EFR3B: variants seen among roughly 807,000 people sequenced by gnomAD.
The protein encoded by EFR3B is EFR3 homolog B.
Under a neutral mutation model 104.7 loss-of-function variants are expected in EFR3B, and 64 were observed. That is an observed-to-expected ratio of 0.61 (90% confidence interval 0.50 to 0.75). The LOEUF is 0.75. Ranked by LOEUF, EFR3B falls within the 30% of genes least tolerant of loss-of-function variation. The pLI, the probability that EFR3B is intolerant of heterozygous loss-of-function variation, is 0.00. For synonymous variants in EFR3B, 385 were observed against 417.9 expected, an observed-to-expected ratio of 0.92 and a Z score of 0.96; for missense variants, 750 against 1,078.5, an observed-to-expected ratio of 0.70 and a Z score of 4.27.
At chr2:25,135,106 T>C (rs1056074011) in intron 12 of EFR3B, among the ~76,000 whole-genome samples, 2 of 152,222 alleles carry the variant, frequency 1.3e-5, no homozygotes, top group Non-Finnish European at 2.9e-5. Flanking sequence ...ATACTCTTAA[T>C]GAGGCATTGT....
At chr2:25,129,818 T>C (rs1553395583) in intron 6 of EFR3B, among the ~76,000 whole-genome samples, 157 bp from the exon 7 acceptor site, 3 of 152,184 alleles carry the variant, frequency 2.0e-5, no homozygotes, top group Non-Finnish European at 2.9e-5. Context: ...TACCCCCATT[T>C]AATTTCTGAC....
At chr2:25,066,325 G>A (rs1353024327) in intron 1 of EFR3B, among the ~76,000 whole-genome samples, 1 of 152,208 alleles carries the variant, frequency 6.6e-6, no homozygotes, top group Non-Finnish European at 1.5e-5. Flanking sequence ...GAAGGTGATA[G>A]TGGCTGTTAT....
chr2:25,047,542 A>C (rs1299378877), intron 1 of EFR3B, among the ~76,000 whole-genome samples: 1 of 152,050 alleles, frequency 6.6e-6, no homozygotes, highest in Non-Finnish European at 1.5e-5. Context: ...TCTGTTGCCC[A>C]GGCTGGAGTG....
Position 25,131,694 on chromosome 2 carries a change from ACAGAGGAGGAGGGTGC to A in EFR3B, c.986-52_986-37del. The A allele has an allele frequency of 6.7e-7, 1 of 1,483,856 alleles. No homozygotes were observed. Among genetic ancestry groups the A allele is most frequent in the South Asian group, 1.4e-5 (1 of 73,222 alleles). 91.9% of individuals were successfully genotyped at this position (1,483,856 alleles called of 1,614,324 possible). A position where few individuals can be genotyped will look rare whatever the true frequency, so the allele number is the denominator to read the frequency against. On this transcript the variant is annotated intron_variant, in intron 9 of 22. Coordinates refer to ENST00000403714, the MANE Select transcript of EFR3B (RefSeq NM_014971.2). The surrounding 1 kb of genome is among the most constrained non-coding windows in gnomAD (Gnocchi z 7.6). ...ACCCTGCCCTGCCTGCGCGCGGTGC[ACAGAGGAGGAGGGTGC>A]CAGCCTTGGATCTCGGGTGTCCCGC...
At chr2:25,092,454 T>G (rs908108366) in intron 2 of EFR3B, among the ~76,000 whole-genome samples, 2 of 151,598 alleles carry the variant, frequency 1.3e-5, no homozygotes, top group African/African-American at 4.8e-5. Flanking sequence ...GGTATATATA[T>G]ACACACCCAT....
At chr2:25,133,119 TCTTTTTACTCCCAAATCCCTCAGCAGC>T in intron 11 of EFR3B, 105 bp downstream of exon 11, 2 of 1,095,330 alleles carry the variant, frequency 1.8e-6, no homozygotes, top group East Asian at 5.2e-5. Flanking sequence ...CCCTCTGCTC[TCTTTTTACTCCCAAATCCCTCAGCAGC>T]CTTTAATGGG....
intron 1 of EFR3B, among the ~76,000 whole-genome samples, chr2:25,090,956 G>T (rs1669095271): frequency 6.6e-6 from 1 of 152,224 alleles, no homozygotes; most frequent in African/African-American, 2.4e-5. Context: ...GTGTCTGTGT[G>T]TGAGTGTGTG....
intron 1 of EFR3B, among the ~76,000 whole-genome samples, chr2:25,056,249 A>T (rs1303770872): frequency 1.3e-5 from 2 of 152,172 alleles, no homozygotes; most frequent in Non-Finnish European, 2.9e-5. Flanking sequence ...TGGAAGCGTT[A>T]GTTGTAGACA....
At position 25,136,582 on chromosome 2, in the gene EFR3B, C is replaced by T; in HGVS notation, c.1544C>T (p.Thr515Ile). Residue 515 changes from threonine (T) to isoleucine (I), a missense_variant, in exon 14 of 23, where the codon ACC becomes ATC. By Grantham distance (89) the Thr-to-Ile change is moderately conservative. Transcript: ENST00000403714. The surrounding 1 kb of genome is among the most constrained non-coding windows in gnomAD (Gnocchi z 4.0). ...GTGGACAAGTGCTCTCGACAGGACACCGTCTTCATGAAGAAGGTAAACAAG... is the reference window on the plus strand; with the variant it reads ...GTGGACAAGTGCTCTCGACAGGACATCGTCTTCATGAAGAAGGTAAACAAG... The part of the protein sequence containing the change: ...LKVDKCSRQD[T>I]VFMKKHSQQL... 1 of 1,551,402 alleles carries T rather than the reference C, an allele frequency of 6.4e-7. No homozygotes were observed. Among genetic ancestry groups the T allele is most frequent in the East Asian group, 2.4e-5 (1 of 40,900 alleles).
Position 25,046,506 on chromosome 2 carries a change from C to CTTTTTTTTTTTTTTTTTTTTT in EFR3B, c.7+4203_7+4204insTTTTTTTTTTTTTTTTTTTTT, listed in dbSNP as rs531667109. Among the ~76,000 whole-genome samples the CTTTTTTTTTTTTTTTTTTTTT allele has an allele frequency of 1.1e-4, 13 of 119,108 alleles. 2 individuals carry two copies. The East Asian group carries it at 1.8e-3, about 17-fold the overall frequency. The allele number at this position is 119,108 out of a possible 152,430, so 78.1% of individuals were successfully genotyped here. On this transcript the variant is annotated intron_variant, in intron 1 of 22. Coordinates refer to ENST00000403714, the MANE Select transcript of EFR3B (RefSeq NM_014971.2). ...GCAGGCTCCCCCTGAAGTACAAAGT[C>CTTTTTTTTTTTTTTTTTTTTT]TTTTTTTTTTTTTTTTGAGACGGAG... is the stretch of plus-strand genomic sequence containing the variant.
chr2:25,077,805 T>G (rs1441547826), intron 1 of EFR3B, among the ~76,000 whole-genome samples: 2 of 152,236 alleles, frequency 1.3e-5, no homozygotes, highest in Non-Finnish European at 2.9e-5. Context: ...TTTTATAAAT[T>G]TATACCCATG....
intron 18 of EFR3B, among the ~76,000 whole-genome samples, chr2:25,144,701 CA>C (rs1234342803): frequency 6.6e-6 from 1 of 152,192 alleles, no homozygotes; most frequent in African/African-American, 2.4e-5. Context: ...GTATTCTGGT[CA>C]TAAGCACCTT....
chr2:25,047,540 C>T (rs533559949), intron 1 of EFR3B, among the ~76,000 whole-genome samples: 2 of 151,972 alleles, frequency 1.3e-5, no homozygotes, highest in South Asian at 4.2e-4. Context: ...ACTCTGTTGC[C>T]CAGGCTGGAG....
In EFR3B at chr2:25,042,446, GC is replaced by G; in HGVS notation, c.7+128del. 8.2e-7 allele frequency: 1 copy of G among 1,212,994 alleles called. No individual in the cohort carries two copies. Among genetic ancestry groups the G allele is most frequent in the African/African-American group, 1.6e-5 (1 of 63,630 alleles). The allele number at this position is 1,212,994 out of a possible 1,614,324, so 75.1% of individuals were successfully genotyped here. ...GGCCGCTGACCTGGTGCCCGGCGGG[GC>G]TGTTGCGGTCGCTCTGTGCGCGCGC... On this transcript the variant is annotated intron_variant, in intron 1 of 22. Coordinates refer to ENST00000403714, the MANE Select transcript of EFR3B (RefSeq NM_014971.2). This position sits in a 1 kb window ranked among gnomAD's most constrained non-coding sequence, Gnocchi z 5.4.
Position 25,042,209 on chromosome 2 carries a change from C to T in EFR3B, c.-104C>T, listed in dbSNP as rs1667591734. 1 of 1,161,196 alleles carries T rather than the reference C, an allele frequency of 8.6e-7. No individual in the cohort carries two copies. Among genetic ancestry groups the T allele is most frequent in the African/African-American group, 1.6e-5 (1 of 62,208 alleles). The allele number at this position is 1,161,196 out of a possible 1,614,324, so 71.9% of individuals were successfully genotyped here. A position where few individuals can be genotyped will look rare whatever the true frequency, so the allele number is the denominator to read the frequency against. On this transcript the variant is annotated 5_prime_UTR_variant, in exon 1 of 23. Coordinates refer to ENST00000403714, the MANE Select transcript of EFR3B (RefSeq NM_014971.2). The surrounding 1 kb of genome is among the most constrained non-coding windows in gnomAD (Gnocchi z 5.4). Reference sequence around the variant, plus strand: ...CCCCGCCCGGGCCCCTGTCGGCCGCCGCCAGTCCCCGCCCCGACTGTGAAT... The same window carrying T: ...CCCCGCCCGGGCCCCTGTCGGCCGCTGCCAGTCCCCGCCCCGACTGTGAAT...
At chr2:25,150,083 C>G (rs1573240584) in intron 20 of EFR3B, among the ~76,000 whole-genome samples, 1 of 152,066 alleles carries the variant, frequency 6.6e-6, no homozygotes. Flanking sequence ...GGGTGGATCT[C>G]AAGGTCAGGA....
At chr2:25,053,481 A>G (rs1667937215) in intron 1 of EFR3B, among the ~76,000 whole-genome samples, 1 of 152,198 alleles carries the variant, frequency 6.6e-6, no homozygotes, top group African/African-American at 2.4e-5. Context: ...CCACACACAC[A>G]CCTGGATGGG....
At chr2:25,049,328 T>C (rs1450075046) in intron 1 of EFR3B, among the ~76,000 whole-genome samples, 1 of 152,234 alleles carries the variant, frequency 6.6e-6, no homozygotes, top group Non-Finnish European at 1.5e-5. Context: ...TTGCCTGTCT[T>C]TTGCTGTCTG....
intron 4 of EFR3B, among the ~76,000 whole-genome samples, chr2:25,110,302 A>G (rs904811671): frequency 1.3e-5 from 2 of 151,932 alleles, no homozygotes; most frequent in Non-Finnish European, 1.5e-5. Context: ...AGAAAACCAC[A>G]CAGCCTGTGG....
Sources: gnomAD v4.1 joint callset for allele counts (sites outside exome capture counted in the v4.1 genomes callset) on GRCh38, gnomAD v4.1.1 for gene constraint, Gnocchi (gnomAD v3.1) non-coding constraint, MANE v1.5 for transcripts, NCBI Gene and HGNC (gene_info 2026-07-23, HGNC 2026-07-21) for gene names.